Variants in PDE7B observed in about 807,000 individuals in gnomAD.
PDE7B encodes the protein 3',5'-cyclic-AMP phosphodiesterase 7B.
Under a neutral mutation model 56.2 loss-of-function variants are expected in PDE7B, and 29 were observed. That is an observed-to-expected ratio of 0.52 (90% CI 0.38 to 0.70). The LOEUF (loss-of-function observed/expected upper bound fraction) is 0.70. Ranked by LOEUF, PDE7B falls within the 30% of genes least tolerant of loss-of-function variation. PDE7B has a pLI of 0.00. For synonymous variants in PDE7B, 197 were observed against 196.9 expected, an observed-to-expected ratio of 1.00 and a Z score of 0.00; for missense variants, 490 against 565.0, an observed-to-expected ratio of 0.87 and a Z score of 1.35.
intron 2 of PDE7B, among the ~76,000 whole-genome samples, chr6:135,951,796 G>A (rs1192345542): frequency 6.6e-6 from 1 of 151,964 alleles, no homozygotes; most frequent in African/African-American, 2.4e-5. Flanking sequence ...ATGCTGATGA[G>A]TATCATGACT....
At chr6:135,944,766 T>C (rs1361649148) in intron 1 of PDE7B, among the ~76,000 whole-genome samples, 1 of 152,178 alleles carries the variant, frequency 6.6e-6, no homozygotes, top group Non-Finnish European at 1.5e-5. Context: ...CCAATGTGCC[T>C]GTTGAGTGGC....
chr6:136,147,839 T>C (rs1057204957), intron 4 of PDE7B, among the ~76,000 whole-genome samples: 2 of 152,232 alleles, frequency 1.3e-5, no homozygotes, highest in African/African-American at 2.4e-5. Flanking sequence ...AGGGAATAAC[T>C]AATTTTTTTA....
chr6:136,033,851 T>A (rs1264857795), intron 2 of PDE7B, among the ~76,000 whole-genome samples: 1 of 151,414 alleles, frequency 6.6e-6, no homozygotes, highest in Non-Finnish European at 1.5e-5. Flanking sequence ...TTTTTTTGAA[T>A]TGCATTTGTA....
intron 2 of PDE7B, among the ~76,000 whole-genome samples, chr6:136,005,915 T>C (rs866141745): frequency 6.6e-5 from 10 of 152,154 alleles, no homozygotes; most frequent in Middle Eastern, 3.4e-3. Context: ...TGTATGTTTA[T>C]TGCGGCACTA....
chr6:136,067,691 T>C (rs918977579), intron 2 of PDE7B, among the ~76,000 whole-genome samples: 7 of 152,360 alleles, frequency 4.6e-5, no homozygotes, highest in Non-Finnish European at 1.0e-4. Flanking sequence ...AATGTTGATA[T>C]AGATGTGGCT....
chr6:136,094,992 T>C (rs532317017), intron 2 of PDE7B, among the ~76,000 whole-genome samples: 1 of 152,314 alleles, frequency 6.6e-6, no homozygotes, highest in South Asian at 2.1e-4. Context: ...TACCTAATTA[T>C]TTTCCCCAAA....
At chr6:136,062,055 C>T (rs549191229) in intron 2 of PDE7B, among the ~76,000 whole-genome samples, 9 of 152,164 alleles carry the variant, frequency 5.9e-5, no homozygotes, top group Non-Finnish European at 1.2e-4. Context: ...CCGAGCAAAG[C>T]TCTGTGGGAT....
intron 1 of PDE7B, among the ~76,000 whole-genome samples, chr6:135,912,391 T>C (rs952641023): frequency 6.6e-6 from 1 of 152,202 alleles, no homozygotes; most frequent in African/African-American, 2.4e-5. Flanking sequence ...GTATTATAAG[T>C]AATCTAAAGA....
intron 1 of PDE7B, among the ~76,000 whole-genome samples, chr6:135,903,956 A>G (rs369434928): frequency 6.6e-6 from 1 of 151,862 alleles, no homozygotes; most frequent in African/African-American, 2.4e-5. Context: ...AATGCAATAT[A>G]GATTTAGAGT....
At chr6:136,152,545 C>T (rs1202560540) in intron 6 of PDE7B, among the ~76,000 whole-genome samples, 6 of 152,216 alleles carry the variant, frequency 3.9e-5, no homozygotes, top group Admixed American at 6.5e-5. Flanking sequence ...CTAGCTCTGT[C>T]GACTTGGGAG....
intron 2 of PDE7B, among the ~76,000 whole-genome samples, chr6:136,061,032 A>G (rs932071588): frequency 5.3e-5 from 8 of 152,192 alleles, no homozygotes; most frequent in African/African-American, 1.9e-4. Context: ...ATGAAGGTAA[A>G]TGAATAAGGC....
At chr6:135,932,240 T>C (rs1241092404) in intron 1 of PDE7B, among the ~76,000 whole-genome samples, 1 of 152,318 alleles carries the variant, frequency 6.6e-6, no homozygotes, top group African/African-American at 2.4e-5. Context: ...TACTATTTGA[T>C]AGCACAACAG....
chr6:136,082,717 C>A, intron 2 of PDE7B, among the ~76,000 whole-genome samples: 1 of 152,120 alleles, frequency 6.6e-6, no homozygotes, highest in East Asian at 1.9e-4. Context: ...TAGGTATATG[C>A]TTTTCAATCT....
At chr6:135,867,933 T>G (rs1417792485) in intron 1 of PDE7B, among the ~76,000 whole-genome samples, 1 of 151,820 alleles carries the variant, frequency 6.6e-6, no homozygotes, top group East Asian at 1.9e-4. Context: ...AGCAAACATT[T>G]ACAGTGTTTC....
chr6:135,921,267 T>A (rs908525180), intron 1 of PDE7B, among the ~76,000 whole-genome samples: 10 of 152,182 alleles, frequency 6.6e-5, no homozygotes, highest in African/African-American at 2.4e-4. Flanking sequence ...TATCTTGAAT[T>A]TAATCCTTTT....
intron 1 of PDE7B, among the ~76,000 whole-genome samples, chr6:135,873,538 G>T (rs189354496): frequency 2.6e-5 from 4 of 152,086 alleles, no homozygotes; most frequent in Admixed American, 1.3e-4. Flanking sequence ...TATGAATTCT[G>T]GAAAATAATG....
chr6:136,018,529 T>G (rs984582873), intron 2 of PDE7B, among the ~76,000 whole-genome samples: 5 of 152,196 alleles, frequency 3.3e-5, no homozygotes, highest in Non-Finnish European at 5.9e-5. Flanking sequence ...ACTTGGCATG[T>G]GTCTGGGCCA....
chr6:136,108,125 CAAAAA>C (rs60727586), intron 2 of PDE7B, among the ~76,000 whole-genome samples: 2 of 108,672 alleles, frequency 1.8e-5, no homozygotes, highest in African/African-American at 7.7e-5. Context: ...GACTCCATGT[CAAAAA>C]AAAAAAAAAA....
chr6:135,899,229 T>A (rs1775955371), intron 1 of PDE7B, among the ~76,000 whole-genome samples: 2 of 152,136 alleles, frequency 1.3e-5, no homozygotes, highest in African/African-American at 4.8e-5. Flanking sequence ...TAAGTCTTTA[T>A]TAGCAGCATG....
Sources: gnomAD v4.1 joint callset for allele counts (sites outside exome capture counted in the v4.1 genomes callset) on GRCh38, gnomAD v4.1.1 for gene constraint, MANE v1.5 for transcripts, NCBI Gene and HGNC (gene_info 2026-07-23, HGNC 2026-07-21) for gene names.